Variants in NDRG3 observed in about 807,000 individuals in gnomAD.
The protein encoded by NDRG3 is NDRG family member 3.
A neutral mutation model predicts 57.2 loss-of-function variants in NDRG3; 23 were observed. The observed-to-expected ratio is 0.40, with a 90% CI of 0.29 to 0.57. The LOEUF (loss-of-function observed/expected upper bound fraction) is 0.57, where lower values mean the gene tolerates loss of function less well. Among genes scored for constraint, NDRG3 ranks in the 20% least tolerant of loss-of-function variants. The probability of loss-of-function intolerance (pLI) is 0.42; values close to 1 mark genes in which losing one functional copy is unlikely to be tolerated. For missense variants in NDRG3, 384 were observed against 457.3 expected, an observed-to-expected ratio of 0.84 and a Z score of 1.46; for synonymous variants, 132 against 162.6, an observed-to-expected ratio of 0.81 and a Z score of 1.43.
At chr20:36,707,056 C>A in intron 2 of NDRG3, 49 bp from the exon 3 acceptor site, 1 of 1,558,858 alleles carries the variant, frequency 6.4e-7, no homozygotes, top group Non-Finnish European at 8.8e-7. Flanking sequence ...CATGGTTTCC[C>A]CACATGTGCA....
intron 1 of NDRG3, among the ~76,000 whole-genome samples, chr20:36,739,926 A>C (rs1488425503): frequency 5.9e-5 from 9 of 151,320 alleles, no homozygotes; most frequent in East Asian, 1.9e-4. Context: ...AAAAAAAAAA[A>C]AAAAAACCGT....
intron 2 of NDRG3, among the ~76,000 whole-genome samples, chr20:36,712,455 G>A (rs1358194558): frequency 4.6e-5 from 6 of 131,612 alleles, no homozygotes; most frequent in African/African-American, 1.1e-4. Context: ...GAATGCAGTC[G>A]CATGATCACA....
intron 5 of NDRG3, among the ~76,000 whole-genome samples, chr20:36,685,707 T>C (rs1401859059): frequency 6.6e-6 from 1 of 152,120 alleles, no homozygotes; most frequent in Non-Finnish European, 1.5e-5. Context: ...TCAGAATTCC[T>C]AGAAAAGTAG....
intron 3 of NDRG3, among the ~76,000 whole-genome samples, chr20:36,705,521 A>G (rs895940515): frequency 1.3e-5 from 2 of 152,106 alleles, no homozygotes; most frequent in Non-Finnish European, 2.9e-5. Flanking sequence ...CATAAAACGC[A>G]TATTTGAAAA....
At chr20:36,721,122 T>C (rs537278044) in intron 2 of NDRG3, among the ~76,000 whole-genome samples, 2 of 152,146 alleles carry the variant, frequency 1.3e-5, no homozygotes, top group Admixed American at 1.3e-4. Flanking sequence ...TTTTTTCCCT[T>C]AGCATCTCTA....
At chr20:36,743,964 G>A (rs1284797836) in intron 1 of NDRG3, among the ~76,000 whole-genome samples, 3 of 127,206 alleles carry the variant, frequency 2.4e-5, no homozygotes, top group African/African-American at 6.1e-5. Flanking sequence ...GCAGTGGCGC[G>A]ATCTCGGCTC....
At chr20:36,696,868 T>C (rs1600916424) in intron 3 of NDRG3, among the ~76,000 whole-genome samples, 1 of 152,348 alleles carries the variant, frequency 6.6e-6, no homozygotes, top group East Asian at 1.9e-4. Context: ...TTCCATCTAT[T>C]GGGATTCTCT....
intron 2 of NDRG3, among the ~76,000 whole-genome samples, chr20:36,717,956 C>T (rs907213037): frequency 2.0e-5 from 3 of 152,178 alleles, no homozygotes; most frequent in Non-Finnish European, 4.4e-5. Flanking sequence ...AATTATCCAA[C>T]CCAAAACATC....
intron 1 of NDRG3, among the ~76,000 whole-genome samples, chr20:36,724,645 C>T (rs947149728): frequency 3.3e-5 from 5 of 152,092 alleles, no homozygotes; most frequent in Non-Finnish European, 5.9e-5. Context: ...AAGCGTTTTC[C>T]GGCCGGGCCC....
intron 5 of NDRG3, among the ~76,000 whole-genome samples, chr20:36,686,316 T>C (rs1333260885): frequency 6.6e-6 from 1 of 152,254 alleles, no homozygotes; most frequent in African/African-American, 2.4e-5. Flanking sequence ...TTAGCCATGT[T>C]ACTTAATTTT....
At chr20:36,696,191 A>G (rs919834846) in intron 3 of NDRG3, among the ~76,000 whole-genome samples, 1 of 151,916 alleles carries the variant, frequency 6.6e-6, no homozygotes, top group Admixed American at 6.6e-5. Context: ...CTGCCTCCCC[A>G]GTTCAAGTGA....
chr20:36,693,576 A>C (rs1405729638), intron 3 of NDRG3, among the ~76,000 whole-genome samples: 2 of 151,952 alleles, frequency 1.3e-5, no homozygotes, highest in African/African-American at 4.8e-5. Context: ...GTGGCAGGTA[A>C]GAGCAAAGCT....
intron 1 of NDRG3, among the ~76,000 whole-genome samples, chr20:36,736,383 A>T (rs1985611353): frequency 6.6e-6 from 1 of 152,212 alleles, no homozygotes. Context: ...CAATGAGAAA[A>T]GAGGCCCAGA....
rs925346185 is a variant in NDRG3, at chr20:36,654,854, G to A, written c.947-1153C>T. On this transcript the variant is annotated intron_variant, in intron 15 of 15. Transcript: ENST00000349004. ...CACATACGGGACTGGAAGCAGGATG[G>A]ACACAGGAAAAGGCAGGTTAGTGAC... is the stretch of plus-strand genomic sequence containing the variant. 1.4e-5 allele frequency: 11 copies of A among 779,742 alleles called. No individual in the cohort carries two copies. The Admixed American group carries it at 1.9e-4, about 13-fold the overall frequency. 48.3% of individuals were successfully genotyped at this position (779,742 alleles called of 1,614,324 possible). A position where few individuals can be genotyped will look rare whatever the true frequency, so the allele number is the denominator to read the frequency against.
intron 1 of NDRG3, among the ~76,000 whole-genome samples, chr20:36,737,834 C>A (rs1169772332): frequency 6.6e-6 from 1 of 152,144 alleles, no homozygotes; most frequent in Admixed American, 6.6e-5. Context: ...AATACCAGCA[C>A]TTTGAGAGGC....
Position 36,666,942 on chromosome 20 carries a change from TC to T in NDRG3, c.589-551del, listed in dbSNP as rs1375424595. Among the ~76,000 whole-genome samples, 15 of 152,280 alleles carry T rather than the reference TC, an allele frequency of 9.9e-5. 1 individual carries two copies. In the East Asian group the frequency reaches 2.9e-3, roughly 29 times the overall value. On this transcript the variant is annotated intron_variant, in intron 9 of 15. Transcript: ENST00000349004. ...TCCACCTCCCGGGTTCAAGCAATTC[TC>T]CTGCCTCAGCCTCCTGAATAGCTGG...
chr20:36,729,851 G>C (rs1054755743), intron 1 of NDRG3, among the ~76,000 whole-genome samples: 2 of 152,074 alleles, frequency 1.3e-5, no homozygotes, highest in Non-Finnish European at 1.5e-5. Flanking sequence ...CTTCAATAGA[G>C]ATCAGTGAGG....
At chr20:36,737,718 C>A (rs1004957591) in intron 1 of NDRG3, among the ~76,000 whole-genome samples, 2 of 152,256 alleles carry the variant, frequency 1.3e-5, no homozygotes, top group Admixed American at 1.3e-4. Context: ...GCCATCTGAT[C>A]ATTAATCCTT....
Position 36,653,366 on chromosome 20 carries a change from G to T in NDRG3, c.*154C>A. On this transcript the variant is annotated 3_prime_UTR_variant, in exon 16 of 16. Coordinates refer to ENST00000349004, the MANE Select transcript of NDRG3 (RefSeq NM_032013.4). This position sits in a 1 kb window ranked among gnomAD's most constrained non-coding sequence, Gnocchi z 4.2. The stretch of plus-strand genomic sequence containing the variant: ...GCTATACAAAAAAGGGGGTGGGCAG[G>T]CAGAGAGAATGATAAATCCAGGCTA... 1 of 643,784 alleles carries T rather than the reference G, an allele frequency of 1.6e-6. No homozygotes were observed. Among genetic ancestry groups the T allele is most frequent in the Non-Finnish European group, 2.6e-6 (1 of 384,682 alleles). 39.9% of individuals were successfully genotyped at this position (643,784 alleles called of 1,614,324 possible).
Sources: allele counts gnomAD v4.1 joint callset (sites outside exome capture counted in the v4.1 genomes callset), GRCh38; gene constraint gnomAD v4.1.1; non-coding constraint Gnocchi (gnomAD v3.1); transcripts MANE v1.5; gene names NCBI Gene and HGNC (gene_info 2026-07-23, HGNC 2026-07-21).